Variants in NCKAP1 observed in about 807,000 individuals in gnomAD.
NCKAP1 encodes NCK associated protein 1.
Under a neutral mutation model 151.2 loss-of-function variants are expected in NCKAP1, and 21 were observed. The ratio of observed to expected loss-of-function variants is 0.14; its 90% CI spans 0.10 to 0.20. NCKAP1 has a LOEUF of 0.20. Among genes scored for constraint, NCKAP1 ranks in the 10% least tolerant of loss-of-function variants. The pLI is 1.00. For missense variants in NCKAP1, 933 were observed against 1,352.1 expected (o/e 0.69, Z 4.86); for synonymous variants, 484 against 451.8 (o/e 1.07, Z -0.90).
At chr2:183,025,591 C>T (rs1372751889) in intron 1 of NCKAP1, among the ~76,000 whole-genome samples, 2 of 152,004 alleles carry the variant, frequency 1.3e-5, no homozygotes, top group Non-Finnish European at 2.9e-5. Context: ...AATCTTTAGC[C>T]AGACTGACAT....
At chr2:182,963,490 C>T (rs921425686) in intron 17 of NCKAP1, among the ~76,000 whole-genome samples, 3 of 152,106 alleles carry the variant, frequency 2.0e-5, no homozygotes, top group African/African-American at 7.2e-5. Flanking sequence ...ATTATCTGAC[C>T]TCTGCCTTTG....
Position 182,925,793 on chromosome 2 carries a change from G to T in NCKAP1, c.3296C>A (p.Thr1099Lys). The T allele has an allele frequency of 6.3e-7, 1 of 1,578,970 alleles. No individual in the cohort carries two copies. The highest frequency in any genetic ancestry group is 8.6e-7 in the Non-Finnish European group (1 of 1,161,552). ...DMIVQESPFL[T>K]MDLLESCFPY... is the part of the protein sequence containing the mutation. ...AAAACAAGATTCCAAAAGATCCATT[G>T]TAAGGAATGGAGATTCTTGTACAAT... is the stretch of plus-strand genomic sequence containing the variant. Residue 1099 changes from threonine to lysine, a missense_variant, in exon 31 of 31, where the codon ACA becomes AAA. By Grantham distance (78) the Thr-to-Lys change is moderately conservative (BLOSUM62 -1). Coordinates refer to ENST00000361354, the MANE Select transcript of NCKAP1 (RefSeq NM_013436.5).
chr2:182,987,293 T>C (rs1698076335), intron 9 of NCKAP1, among the ~76,000 whole-genome samples: 1 of 152,028 alleles, frequency 6.6e-6, no homozygotes, highest in African/African-American at 2.4e-5. Flanking sequence ...TACACTAAAA[T>C]GGACTCCAAC....
chr2:183,018,332 A>G (rs1382846638), intron 2 of NCKAP1, among the ~76,000 whole-genome samples: 2 of 152,244 alleles, frequency 1.3e-5, no homozygotes, highest in African/African-American at 4.8e-5. Context: ...TGGAAAGACC[A>G]GAACTCAAAT....
intron 10 of NCKAP1, among the ~76,000 whole-genome samples, chr2:182,984,451 T>TGTG (rs1188952902): frequency 6.9e-6 from 1 of 144,210 alleles, no homozygotes; most frequent in Non-Finnish European, 1.5e-5. Flanking sequence ...TGTGTGTGTG[T>TGTG]TGCCTATGCC....
intron 2 of NCKAP1, among the ~76,000 whole-genome samples, chr2:183,016,886 G>A (rs1698699736): frequency 1.3e-5 from 2 of 152,204 alleles, no homozygotes; most frequent in Non-Finnish European, 2.9e-5. Context: ...GGCAGGAAAT[G>A]TAGACCTGAA....
intron 26 of NCKAP1, chr2:182,934,544 G>A (rs1696834246): frequency 2.3e-6 from 1 of 436,356 alleles, no homozygotes. Flanking sequence ...ATTGCTATAG[G>A]TGATCAAAGA....
Position 182,909,685 on chromosome 2 carries a change from T to C in NCKAP1, c.*16017A>G, listed in dbSNP as rs1696358096. 1 of 152,216 alleles carries C rather than the reference T, an allele frequency of 6.6e-6. No homozygotes were observed. The highest frequency in any genetic ancestry group is 1.5e-5 in the Non-Finnish European group (1 of 68,044). 9.4% of individuals were successfully genotyped at this position (152,216 alleles called of 1,614,324 possible). A position where few individuals can be genotyped will look rare whatever the true frequency, so the allele number is the denominator to read the frequency against. On this transcript the variant is annotated 3_prime_UTR_variant, in exon 31 of 31. Transcript: ENST00000361354. ...AAACAATCACTTTTAAAGCCAAGGTTTCCTTGAGAAGATATTTAGGGCACA... is the reference window on the plus strand; with the variant it reads ...AAACAATCACTTTTAAAGCCAAGGTCTCCTTGAGAAGATATTTAGGGCACA...
chr2:182,957,214 C>CTTAGTACTTTTATA lies in NCKAP1; in HGVS notation c.2021+242_2021+243insTATAAAAGTACTAA, dbSNP rs1697345662. 2.3e-5 allele frequency: 8 copies of CTTAGTACTTTTATA among 346,724 alleles called. No individual in the cohort carries two copies. In the Admixed American group the frequency reaches 3.7e-4, roughly 16 times the overall value. 21.5% of individuals were successfully genotyped at this position (346,724 alleles called of 1,614,324 possible). A position where few individuals can be genotyped will look rare whatever the true frequency, so the allele number is the denominator to read the frequency against. Reference sequence around the variant, plus strand: ...ATTTTTTAAACATATAATTGGCCTTCAGTACTTAGTATAAAAAGACAAATA... The same window carrying CTTAGTACTTTTATA: ...ATTTTTTAAACATATAATTGGCCTTCTTAGTACTTTTATAAGTACTTAGTATAAAAAGACAAATA... On this transcript the variant is annotated intron_variant, in intron 19 of 30. Coordinates refer to ENST00000361354, the MANE Select transcript of NCKAP1 (RefSeq NM_013436.5).
At position 183,021,563 on chromosome 2, in the gene NCKAP1, A is replaced by G. The variant is rs138663052; in HGVS notation, c.219+2243T>C. ...GAGTTCGGTGTTACAGTGAGCTATG[A>G]TGGCGCCACTGCATTCTACCCTGGG... On this transcript the variant is annotated intron_variant, in intron 2 of 30. Coordinates refer to ENST00000361354, the MANE Select transcript of NCKAP1 (RefSeq NM_013436.5). Among the ~76,000 whole-genome samples, 214 of 152,334 alleles carry G rather than the reference A, an allele frequency of 1.4e-3. 1 individual carries two copies. The highest frequency in any genetic ancestry group is 4.9e-3 in the African/African-American group (202 of 41,580).
At chr2:182,995,411 T>C (rs994947846) in intron 7 of NCKAP1, among the ~76,000 whole-genome samples, 2 of 152,190 alleles carry the variant, frequency 1.3e-5, no homozygotes, top group Non-Finnish European at 2.9e-5. Flanking sequence ...GGGGTGATTT[T>C]TGTTTTTGCT....
intron 23 of NCKAP1, among the ~76,000 whole-genome samples, chr2:182,949,074 G>A (rs1190811561): frequency 6.6e-6 from 1 of 152,182 alleles, no homozygotes; most frequent in East Asian, 1.9e-4. Context: ...GAGTGATCTC[G>A]TCAAAGGCAA....
At chr2:182,994,408 C>T (rs749880314) in intron 8 of NCKAP1, among the ~76,000 whole-genome samples, 1 of 151,924 alleles carries the variant, frequency 6.6e-6, no homozygotes, top group African/African-American at 2.4e-5. Flanking sequence ...GAGGCCGAGG[C>T]GGGCAGATCA....
At chr2:182,927,504 A>G (rs889950507) in intron 29 of NCKAP1, among the ~76,000 whole-genome samples, 1 of 152,064 alleles carries the variant, frequency 6.6e-6, no homozygotes, top group African/African-American at 2.4e-5. Flanking sequence ...ATGCCATGGT[A>G]TATCTTTCGT....
intron 2 of NCKAP1, among the ~76,000 whole-genome samples, chr2:183,010,242 A>T (rs1046198722): frequency 6.6e-6 from 1 of 152,212 alleles, no homozygotes; most frequent in African/African-American, 2.4e-5. Context: ...CAGCAGAAAC[A>T]ACGAGTCACT....
rs148713736 is a variant in NCKAP1 at position 183,002,028 on chromosome 2, T to C, written c.528A>G (p.Pro176=). ...AATCCACAATCATCTGGCCAAGGCG[T>C]GGGTATTCTCTGTCACTTAAAACAG... ...MTHGASDREY[P]RLGQMIVDYE... Residue 176 remains proline (P), a synonymous_variant, in exon 6 of 31, where the codon CCA becomes CCG. Transcript: ENST00000361354. The C allele has an allele frequency of 1.2e-4, 189 of 1,613,762 alleles. 1 individual carries two copies. The African/African-American group carries it at 2.1e-3, about 18-fold the overall frequency.
intron 12 of NCKAP1, 130 bp from the exon 13 acceptor site, chr2:182,981,506 A>G: frequency 1.8e-6 from 1 of 554,186 alleles, no homozygotes; most frequent in South Asian, 3.8e-5. Context: ...CTTAATGTCA[A>G]TTACTTCCTT....
intron 22 of NCKAP1, 24 bp downstream of exon 22, chr2:182,952,769 A>G: frequency 6.4e-7 from 1 of 1,555,312 alleles, no homozygotes; most frequent in South Asian, 1.2e-5. Context: ...TTCATTCTCT[A>G]AACTGTGGTA....
chr2:182,964,869 A>C (rs1697531982), intron 16 of NCKAP1, 61 bp from the exon 17 acceptor site: 2 of 1,288,092 alleles, frequency 1.6e-6, no homozygotes, highest in East Asian at 5.0e-5. Flanking sequence ...CTGATATAGT[A>C]CCTTACAGTT....
Sources: allele counts gnomAD v4.1 joint callset (sites outside exome capture counted in the v4.1 genomes callset), GRCh38; gene constraint gnomAD v4.1.1; transcripts MANE v1.5; gene names NCBI Gene and HGNC (gene_info 2026-07-23, HGNC 2026-07-21).